The following TSPAN7 variants were observed in gnomAD, a reference collection of about 807,000 sequenced individuals.
TSPAN7 encodes the protein tetraspanin-7.
A neutral mutation model predicts 17.6 loss-of-function variants in TSPAN7; 1 was observed. The observed-to-expected ratio is 0.06, with a 90% CI of 0.02 to 0.27. TSPAN7 has a LOEUF of 0.27. Ranked by LOEUF, TSPAN7 falls within the 10% of genes least tolerant of loss-of-function variation. The probability of loss-of-function intolerance (pLI) is 1.00; values close to 1 mark genes in which losing one functional copy is unlikely to be tolerated. For missense variants in TSPAN7, 112 were observed against 201.7 expected (o/e 0.56, Z 2.69); for synonymous variants, 78 against 79.0 (o/e 0.99, Z 0.07).
rs111964419 is a variant in TSPAN7 at position 38,621,263 on chromosome X, C to T, written c.82-44858C>T. Among the ~76,000 whole-genome samples, 263 of 112,208 alleles carry T rather than the reference C, an allele frequency of 2.3e-3. 2 individuals are homozygous for T. The highest frequency in any genetic ancestry group is 7.5e-3 in the African/African-American group (232 of 30,936). ...CTTTATTTTTTCTTTTAAAGACAATCCTGTTTCATTTACCTTCACTTGACA... is the reference window on the plus strand; with the variant it reads ...CTTTATTTTTTCTTTTAAAGACAATTCTGTTTCATTTACCTTCACTTGACA... On this transcript the variant is annotated intron_variant, in intron 1 of 7. Transcript: ENST00000378482.
chrX:38,603,570 A>G (rs1472002554), intron 1 of TSPAN7, among the ~76,000 whole-genome samples: 1 of 112,001 alleles, frequency 8.9e-6, no homozygotes, highest in Admixed American at 9.4e-5. Context: ...ATGGAATATT[A>G]TTTGGAAATT....
intron 1 of TSPAN7, 71 bp from the exon 2 acceptor site, chrX:38,666,050 T>C: frequency 9.3e-7 from 1 of 1,076,105 alleles, no homozygotes; most frequent in Non-Finnish European, 1.3e-6. Context: ...TCTTCAAATT[T>C]GGCCACATTG....
At chrX:38,664,946 A>T (rs1161899831) in intron 1 of TSPAN7, among the ~76,000 whole-genome samples, 1 of 112,481 alleles carries the variant, frequency 8.9e-6, no homozygotes, top group African/African-American at 3.2e-5. Flanking sequence ...GTATTTTCAG[A>T]GTATAAAGGA....
chrX:38,653,593 G>A (rs2069687440), intron 1 of TSPAN7, among the ~76,000 whole-genome samples: 1 of 112,093 alleles, frequency 8.9e-6, no homozygotes, highest in Non-Finnish European at 1.9e-5. Context: ...TCCTCCCATA[G>A]GTTTGTTCCT....
At chrX:38,574,060 T>C (rs1316661870) in intron 1 of TSPAN7, among the ~76,000 whole-genome samples, 4 of 112,325 alleles carry the variant, frequency 3.6e-5, no homozygotes, top group Non-Finnish European at 7.5e-5. Context: ...TGAAGAGTTA[T>C]GTTCTACCTC....
intron 1 of TSPAN7, among the ~76,000 whole-genome samples, chrX:38,579,646 A>C (rs1442385532): frequency 1.8e-5 from 2 of 111,528 alleles, no homozygotes; most frequent in Non-Finnish European, 3.8e-5. Context: ...TCTCTTCAAA[A>C]TAAAGAATTT....
intron 1 of TSPAN7, among the ~76,000 whole-genome samples, chrX:38,605,058 G>A (rs763058816): frequency 0.041 from 4,487 of 108,919 alleles, 234 homozygotes; most frequent in African/African-American, 0.13. Context: ...AGTTCTGGCC[G>A]GGGCAATTAG....
At chrX:38,625,344 T>C (rs2069516228) in intron 1 of TSPAN7, among the ~76,000 whole-genome samples, 1 of 111,632 alleles carries the variant, frequency 9.0e-6, no homozygotes, top group South Asian at 3.8e-4. Context: ...TTCCATCTTC[T>C]TCCTAGGCAC....
At chrX:38,687,311 G>A (rs373489545) in intron 6 of TSPAN7, among the ~76,000 whole-genome samples, 2 of 111,304 alleles carry the variant, frequency 1.8e-5, no homozygotes, top group East Asian at 5.6e-4. Flanking sequence ...AATGGCCAGA[G>A]TGAGCTACAG....
At chrX:38,619,194 G>A (rs920523577) in intron 1 of TSPAN7, among the ~76,000 whole-genome samples, 1 of 110,751 alleles carries the variant, frequency 9.0e-6, no homozygotes, top group Non-Finnish European at 1.9e-5. Flanking sequence ...TGCTTGACTG[G>A]GAGGCAGCAG....
intron 1 of TSPAN7, among the ~76,000 whole-genome samples, chrX:38,565,909 T>C (rs1159714897): frequency 9.0e-6 from 1 of 111,518 alleles, no homozygotes; most frequent in Non-Finnish European, 1.9e-5. Context: ...GGGAGGATGA[T>C]ACTGGCCTTT....
intron 1 of TSPAN7, among the ~76,000 whole-genome samples, chrX:38,581,361 G>A (rs148676965): frequency 8.9e-5 from 10 of 112,266 alleles, no homozygotes; most frequent in Non-Finnish European, 1.3e-4. Flanking sequence ...CAATCATGGC[G>A]GAAGGCAAAA....
intron 1 of TSPAN7, among the ~76,000 whole-genome samples, chrX:38,640,019 A>G (rs2069603636): frequency 8.9e-6 from 1 of 111,943 alleles, no homozygotes; most frequent in Admixed American, 9.5e-5. Context: ...AAAAATGGAC[A>G]GTTTTGTACT....
chrX:38,649,725 G>A (rs951544506), intron 1 of TSPAN7, among the ~76,000 whole-genome samples: 1 of 112,159 alleles, frequency 8.9e-6, no homozygotes, highest in Non-Finnish European at 1.9e-5. Context: ...AGGATGCAGT[G>A]TTTAAAGTCA....
intron 1 of TSPAN7, among the ~76,000 whole-genome samples, chrX:38,584,788 C>T (rs1464005167): frequency 1.8e-5 from 2 of 111,994 alleles, no homozygotes; most frequent in Non-Finnish European, 3.8e-5. Context: ...GTTCCCCTCT[C>T]CCTCTCTATC....
chrX:38,612,184 A>G (rs1040752760), intron 1 of TSPAN7: 1 of 111,656 alleles, frequency 9.0e-6, no homozygotes, highest in Non-Finnish European at 1.9e-5. Context: ...CCTGATAGGC[A>G]GGACATTTGA....
In TSPAN7 at chrX:38,561,624, C is replaced by T. The variant is rs1200174387; in HGVS notation, c.78C>T (p.Phe26=). The change falls in exon 1 of 8, where the codon TTC becomes TTT. Residue 26 remains phenylalanine, a synonymous_variant. Transcript: ENST00000378482. Reference sequence around the variant, plus strand: ...TCCTCATCATCTACTCCTTCGTCTTCTGGGTAAGTGCCCACGCCGGGCCGG... The same window carrying T: ...TCCTCATCATCTACTCCTTCGTCTTTTGGGTAAGTGCCCACGCCGGGCCGG... ...KTLLIIYSFV[F]WITGVILLAV... is the part of the protein sequence containing the mutation. 2 of 1,204,556 alleles carry T rather than the reference C, an allele frequency of 1.7e-6. No individual in the cohort carries two copies. The highest frequency in any genetic ancestry group is 4.4e-5 in the Admixed American group (2 of 45,912).
rs1481677083 is a variant in TSPAN7, at chrX:38,660,416, TCTC to T, written c.82-5698_82-5696del. ...CAGGTCCCAACATTGTGCAAAGACT[TCTC>T]CTCCTCTTTGTCCCCTTGGCACACA... On this transcript the variant is annotated intron_variant, in intron 1 of 7. Coordinates refer to ENST00000378482, the MANE Select transcript of TSPAN7 (RefSeq NM_004615.4). Among the ~76,000 whole-genome samples the T allele has an allele frequency of 8.0e-5, 9 of 112,032 alleles. No individual in the cohort carries two copies. The East Asian group carries it at 1.7e-3, about 21-fold the overall frequency.
intron 1 of TSPAN7, among the ~76,000 whole-genome samples, chrX:38,662,174 AT>A (rs775951405): frequency 1.7e-4 from 19 of 111,546 alleles, no homozygotes; most frequent in Admixed American, 8.6e-4. Context: ...CTACCACCAC[AT>A]ATGGTCTTAG....
Sources: allele counts gnomAD v4.1 joint callset (sites outside exome capture counted in the v4.1 genomes callset), GRCh38; gene constraint gnomAD v4.1.1; transcripts MANE v1.5; gene names NCBI Gene and HGNC (gene_info 2026-07-23, HGNC 2026-07-21).